VPS13B: variants seen among roughly 807,000 people sequenced by gnomAD.
VPS13B encodes intermembrane lipid transfer protein VPS13B.
In VPS13B, 285 loss-of-function variants were observed where a neutral mutation model predicts 426.4. The ratio of observed to expected loss-of-function variants is 0.67; its 90% CI spans 0.61 to 0.74. The LOEUF (loss-of-function observed/expected upper bound fraction) is 0.74, where lower values mean the gene tolerates loss of function less well. Ranked by LOEUF, VPS13B falls within the 30% of genes least tolerant of loss-of-function variation. The probability of loss-of-function intolerance (pLI) is 0.00; values close to 1 mark genes in which losing one functional copy is unlikely to be tolerated. For missense variants in VPS13B, 4,537 were observed against 4,782.6 expected, an observed-to-expected ratio of 0.95 and a Z score of 1.51; for synonymous variants, 1,676 against 1,676.4, an observed-to-expected ratio of 1.00 and a Z score of 0.01.
At chr8:99,570,205 T>G (rs1399675625) in intron 31 of VPS13B, among the ~76,000 whole-genome samples, 1 of 152,202 alleles carries the variant, frequency 6.6e-6, no homozygotes, top group African/African-American at 2.4e-5. Flanking sequence ...CAGGACACAC[T>G]GTGCTTCCTG....
chr8:99,470,105 A>G (rs756250007), intron 24 of VPS13B, among the ~76,000 whole-genome samples: 1 of 152,198 alleles, frequency 6.6e-6, no homozygotes, highest in Non-Finnish European at 1.5e-5. Flanking sequence ...CACCGAGTTT[A>G]TGGTACTTTG....
chr8:99,084,881 A>G (rs199532915), intron 3 of VPS13B, among the ~76,000 whole-genome samples: 1 of 152,102 alleles, frequency 6.6e-6, no homozygotes, highest in African/African-American at 2.4e-5. Context: ...CGACTATGTG[A>G]TCAATTTTGG....
chr8:99,155,073 TA>T (rs1054518284), intron 14 of VPS13B, among the ~76,000 whole-genome samples: 3 of 151,150 alleles, frequency 2.0e-5, no homozygotes, highest in African/African-American at 4.9e-5. Flanking sequence ...CTCAATCCAT[TA>T]AAAAAAAGCA....
chr8:99,797,774 T>C (rs892525840), intron 43 of VPS13B, among the ~76,000 whole-genome samples: 2 of 152,214 alleles, frequency 1.3e-5, no homozygotes, highest in African/African-American at 4.8e-5. Flanking sequence ...TTGTTTAGCC[T>C]TTTGTGCTTA....
intron 23 of VPS13B, among the ~76,000 whole-genome samples, chr8:99,449,549 C>G (rs540531826): frequency 6.6e-6 from 1 of 152,040 alleles, no homozygotes; most frequent in African/African-American, 2.4e-5. Flanking sequence ...CTGCATATAA[C>G]AAGGCAGGGA....
At position 99,697,749 on chromosome 8, in the gene VPS13B, G is replaced by A. The variant is rs1284176552; in HGVS notation, c.6047-1776G>A. On this transcript the variant is annotated intron_variant, in intron 35 of 61. Transcript: ENST00000357162. ...GGCCTGGCCTAGGGCGCGCCCGTAG[G>A]GGAGAACATCATCAGTGTCACTGAG... The A allele has an allele frequency of 8.0e-6, 5 of 628,192 alleles. No individual in the cohort carries two copies. The East Asian group carries it at 1.4e-4, about 17-fold the overall frequency. 38.9% of individuals were successfully genotyped at this position (628,192 alleles called of 1,614,324 possible).
rs1588577669 is a variant in VPS13B at position 99,640,081 on chromosome 8, GAA to G, written c.5221-1727_5221-1726del. Among the ~76,000 whole-genome samples, 5 of 147,506 alleles carry G rather than the reference GAA, an allele frequency of 3.4e-5. No individual in the cohort carries two copies. The East Asian group carries it at 9.9e-4, about 29-fold the overall frequency. ...GAAAAGAAAAGAAAAGAAAAGAAAA[GAA>G]AAGAAAAGAAAAGAAAAGAAAAGAA... On this transcript the variant is annotated intron_variant, in intron 33 of 61. Coordinates refer to ENST00000357162, the MANE Select transcript of VPS13B (RefSeq NM_152564.5).
Position 99,236,278 on chromosome 8 carries a change from C to T in VPS13B, c.2516-37920C>T, listed in dbSNP as rs974992406. On this transcript the variant is annotated intron_variant, in intron 17 of 61. Coordinates refer to ENST00000357162, the MANE Select transcript of VPS13B (RefSeq NM_152564.5). ...TTTTTTTTTTTTTTAAAGACAGAATCTTGCTCTGCTGCCCGGGCTGGAGTG... is the reference window on the plus strand; with the variant it reads ...TTTTTTTTTTTTTTAAAGACAGAATTTTGCTCTGCTGCCCGGGCTGGAGTG... 2.7e-5 allele frequency among the ~76,000 whole-genome samples: 4 copies of T among 150,208 alleles called. 1 individual carries two copies. Among genetic ancestry groups the T allele is most frequent in the Admixed American group, 2.7e-4 (4 of 15,082 alleles).
At chr8:99,803,296 G>A (rs1348426968) in intron 43 of VPS13B, among the ~76,000 whole-genome samples, 4 of 152,170 alleles carry the variant, frequency 2.6e-5, no homozygotes. Flanking sequence ...TAATTGCACA[G>A]TATTTGTGGC....
chr8:99,861,939 C>G lies in VPS13B; in HGVS notation c.11208C>G (p.Ser3736Arg). Reference sequence around the variant, plus strand: ...AGGGCCTGTCCCGGCTGGGCATCAGCCTGCTTGGTAAGGGGCTGCGGGGCC... The same window carrying G: ...AGGGCCTGTCCCGGCTGGGCATCAGGCTGCTTGGTAAGGGGCTGCGGGGCC... ...LRQGLSRLGI[S>R]LLGAIAGIVD... The change falls in exon 58 of 62, where the codon AGC becomes AGG. Residue 3736 changes from serine (S) to arginine (R), a missense_variant. Ser to Arg is a moderately radical substitution (Grantham distance 110). This residue lies in a region of VPS13B where 4,311 missense variants were observed against 4,474.3 expected (regional missense o/e 0.96). Transcript: ENST00000357162. 1 of 1,592,038 alleles carries G rather than the reference C, an allele frequency of 6.3e-7. No homozygotes were observed. Among genetic ancestry groups the G allele is most frequent in the East Asian group, 2.3e-5 (1 of 44,036 alleles).
intron 33 of VPS13B, among the ~76,000 whole-genome samples, chr8:99,604,426 C>G (rs1588541005): frequency 6.6e-6 from 1 of 151,770 alleles, no homozygotes; most frequent in East Asian, 1.9e-4. Context: ...ATCCTGGATA[C>G]CACATTACGT....
At chr8:99,630,715 A>T (rs1828811992) in intron 33 of VPS13B, among the ~76,000 whole-genome samples, 1 of 151,908 alleles carries the variant, frequency 6.6e-6, no homozygotes, top group Admixed American at 6.6e-5. Flanking sequence ...GTTTTCATGG[A>T]CCTTACATTC....
chr8:99,084,401 C>G (rs1845654460), intron 3 of VPS13B, among the ~76,000 whole-genome samples: 2 of 152,114 alleles, frequency 1.3e-5, no homozygotes, highest in South Asian at 2.1e-4. Context: ...TTTCAAAACA[C>G]CAGCTCCTGG....
At chr8:99,132,365 A>G (rs1809851893) in intron 8 of VPS13B, among the ~76,000 whole-genome samples, 1 of 152,170 alleles carries the variant, frequency 6.6e-6, no homozygotes, top group Admixed American at 6.5e-5. Flanking sequence ...TTCTTTATCC[A>G]TAAGAAGCCA....
At chr8:99,826,595 T>G (rs1588753570) in intron 51 of VPS13B, among the ~76,000 whole-genome samples, 1 of 152,186 alleles carries the variant, frequency 6.6e-6, no homozygotes, top group Non-Finnish European at 1.5e-5. Flanking sequence ...GGCCAGAACT[T>G]CCAACACTAT....
At chr8:99,732,055 T>A (rs1049332766) in intron 39 of VPS13B, among the ~76,000 whole-genome samples, 1 of 152,204 alleles carries the variant, frequency 6.6e-6, no homozygotes, top group African/African-American at 2.4e-5. Flanking sequence ...GACCCCCCTA[T>A]AAGCCATGAA....
chr8:99,795,311 C>G (rs1160091983), intron 43 of VPS13B, among the ~76,000 whole-genome samples: 1 of 152,174 alleles, frequency 6.6e-6, no homozygotes, highest in Non-Finnish European at 1.5e-5. Flanking sequence ...CCACCCATGT[C>G]CAATAACATT....
chr8:99,025,570 G>A (rs1443814708), intron 2 of VPS13B, among the ~76,000 whole-genome samples: 1 of 152,072 alleles, frequency 6.6e-6, no homozygotes, highest in Admixed American at 6.6e-5. Context: ...GGTAATACTG[G>A]CCTTGTAGAA....
At chr8:99,019,893 A>G (rs1247089747) in intron 2 of VPS13B, among the ~76,000 whole-genome samples, 1 of 152,134 alleles carries the variant, frequency 6.6e-6, no homozygotes, top group Non-Finnish European at 1.5e-5. Context: ...TCGTTGATGG[A>G]TAGTTGGGTT....
Sources: allele counts gnomAD v4.1 joint callset (sites outside exome capture counted in the v4.1 genomes callset), GRCh38; gene constraint gnomAD v4.1.1; regional missense constraint gnomAD v4.1.1; transcripts MANE v1.5; gene names NCBI Gene and HGNC (gene_info 2026-07-23, HGNC 2026-07-21).